SNAP91: variants seen among roughly 807,000 people sequenced by gnomAD.
SNAP91 encodes the protein clathrin coat assembly protein AP180.
In SNAP91, 27 loss-of-function variants were observed where a neutral mutation model predicts 100.3. The ratio of observed to expected loss-of-function variants is 0.27; its 90% CI spans 0.20 to 0.37. SNAP91 has a LOEUF of 0.37. SNAP91 is among the 10% of genes least tolerant of loss of function. SNAP91 has a pLI of 1.00. For synonymous variants in SNAP91, 404 were observed against 398.6 expected (o/e 1.01, Z -0.16); for missense variants, 986 against 1,123.7 (o/e 0.88, Z 1.75).
At chr6:83,595,858 T>C (rs2094418880) in intron 16 of SNAP91, among the ~76,000 whole-genome samples, 1 of 152,218 alleles carries the variant, frequency 6.6e-6, no homozygotes, top group African/African-American at 2.4e-5. Flanking sequence ...AAACTGAGTA[T>C]GAAACACTCT....
intron 26 of SNAP91, among the ~76,000 whole-genome samples, chr6:83,566,019 T>C (rs1054756747): frequency 6.6e-6 from 1 of 152,172 alleles, no homozygotes; most frequent in Non-Finnish European, 1.5e-5. Context: ...AATAAAAATC[T>C]ATTATGTGTA....
intron 26 of SNAP91, among the ~76,000 whole-genome samples, chr6:83,574,279 G>C (rs1814049264): frequency 1.3e-5 from 2 of 152,232 alleles, no homozygotes; most frequent in South Asian, 2.1e-4. Flanking sequence ...TATACAGTTT[G>C]CTACTCTGAA....
At chr6:83,640,852 T>A (rs115824804) in intron 8 of SNAP91, among the ~76,000 whole-genome samples, 1 of 152,118 alleles carries the variant, frequency 6.6e-6, no homozygotes, top group Non-Finnish European at 1.5e-5. Flanking sequence ...TTATTATCCA[T>A]GAAACTTTTA....
At chr6:83,585,497 C>T (rs2092321992) in intron 22 of SNAP91, among the ~76,000 whole-genome samples, 1 of 150,834 alleles carries the variant, frequency 6.6e-6, no homozygotes, top group African/African-American at 2.4e-5. Context: ...CCAATGCCCT[C>T]CAGCCTATGC....
intron 8 of SNAP91, among the ~76,000 whole-genome samples, chr6:83,640,375 A>G (rs1229963004): frequency 6.6e-6 from 1 of 152,186 alleles, no homozygotes; most frequent in Non-Finnish European, 1.5e-5. Flanking sequence ...CCTCTTTCAT[A>G]CAACATTCCA....
At chr6:83,660,905 A>G (rs1217992350) in intron 5 of SNAP91, among the ~76,000 whole-genome samples, 1 of 151,982 alleles carries the variant, frequency 6.6e-6, no homozygotes, top group Non-Finnish European at 1.5e-5. Flanking sequence ...TAGCCTCCCA[A>G]GCAGCTGGGA....
At chr6:83,567,935 T>G (rs1429107311) in intron 26 of SNAP91, among the ~76,000 whole-genome samples, 4 of 152,034 alleles carry the variant, frequency 2.6e-5, no homozygotes, top group African/African-American at 7.2e-5. Context: ...AAGTCAGTGT[T>G]GTGATTCCTC....
At chr6:83,556,340 G>GGAGGGAGA (rs377148872) in intron 28 of SNAP91, 95 bp from the exon 29 acceptor site, 3 of 47,550 alleles carry the variant, frequency 6.3e-5, no homozygotes, top group African/African-American at 3.7e-4. Context: ...AGAGGGAGAG[G>GGAGGGAGA]GGGAGAGAGA....
At chr6:83,679,056 CAAAAT>C (rs2098950915) in intron 2 of SNAP91, among the ~76,000 whole-genome samples, 1 of 151,720 alleles carries the variant, frequency 6.6e-6, no homozygotes. Flanking sequence ...CACACACACA[CAAAAT>C]ACAACAATTA....
chr6:83,560,059 CTTATTAG>C lies in SNAP91; in HGVS notation c.2631+38_2631+44del, dbSNP rs774912518. 3 of 1,476,708 alleles carry C rather than the reference CTTATTAG, an allele frequency of 2.0e-6. No homozygotes were observed. In the South Asian group the frequency reaches 3.4e-5, roughly 17 times the overall value. The allele number at this position is 1,476,708 out of a possible 1,614,324, so 91.5% of individuals were successfully genotyped here. ...CAGTTTGCTACACCAATGTTTTACA[CTTATTAG>C]TTAATGTCACTGATTTGTGGACATT... On this transcript the variant is annotated intron_variant, in intron 28 of 29. Coordinates refer to ENST00000369694, the MANE Select transcript of SNAP91 (RefSeq NM_001242792.2).
chr6:83,673,511 C>T (rs2098817989), intron 2 of SNAP91, among the ~76,000 whole-genome samples: 1 of 152,050 alleles, frequency 6.6e-6, no homozygotes, highest in Admixed American at 6.6e-5. Context: ...TTTTGGTAGC[C>T]CCTGCAAACT....
At chr6:83,669,351 C>T (rs1300553136) in intron 2 of SNAP91, among the ~76,000 whole-genome samples, 1 of 151,812 alleles carries the variant, frequency 6.6e-6, no homozygotes, top group East Asian at 1.9e-4. Context: ...TAGATACAAA[C>T]ACACAGAAAA....
chr6:83,567,151 T>C (rs537537572), intron 26 of SNAP91, among the ~76,000 whole-genome samples: 1 of 152,292 alleles, frequency 6.6e-6, no homozygotes, highest in African/African-American at 2.4e-5. Context: ...CTGCCCAGGC[T>C]AGCCTCAAAT....
chr6:83,628,276 T>C (rs1376460831), intron 8 of SNAP91, among the ~76,000 whole-genome samples: 1 of 147,972 alleles, frequency 6.8e-6, no homozygotes, highest in Non-Finnish European at 1.5e-5. Context: ...CATTGATAGG[T>C]AGGCATTTTG....
chr6:83,591,411 C>T (rs752034185), intron 21 of SNAP91, 117 bp from the exon 22 acceptor site: 32 of 636,756 alleles, frequency 5.0e-5, no homozygotes, highest in Non-Finnish European at 8.5e-5. Flanking sequence ...GTGAGCTTGT[C>T]TTTTGTGGGT....
At chr6:83,622,680 A>G (rs2096777287) in intron 9 of SNAP91, among the ~76,000 whole-genome samples, 2 of 151,158 alleles carry the variant, frequency 1.3e-5, no homozygotes, top group East Asian at 3.9e-4. Context: ...CCTTGAATCT[A>G]TATATTAGGA....
chr6:83,620,950 G>A (rs896054837), intron 9 of SNAP91, among the ~76,000 whole-genome samples: 18 of 152,072 alleles, frequency 1.2e-4, no homozygotes, highest in African/African-American at 4.3e-4. Context: ...TGATTCGCCT[G>A]CCTCAGCCTC....
At chr6:83,607,165 T>C (rs2095666826) in intron 13 of SNAP91, among the ~76,000 whole-genome samples, 1 of 152,190 alleles carries the variant, frequency 6.6e-6, no homozygotes, top group Non-Finnish European at 1.5e-5. Flanking sequence ...TTTAGGAGGC[T>C]AGAGATTTCA....
chr6:83,684,062 C>G (rs1372580238), intron 2 of SNAP91, among the ~76,000 whole-genome samples: 5 of 152,142 alleles, frequency 3.3e-5, no homozygotes. Context: ...AATCAGCTCT[C>G]AAAAGTATAG....
Sources: allele counts gnomAD v4.1 joint callset (sites outside exome capture counted in the v4.1 genomes callset), GRCh38; gene constraint gnomAD v4.1.1; transcripts MANE v1.5; gene names NCBI Gene and HGNC (gene_info 2026-07-23, HGNC 2026-07-21).